The following KANK1 variants were observed in gnomAD, a reference collection of about 807,000 sequenced individuals.
KANK1 encodes the protein KN motif and ankyrin repeat domain-containing protein 1.
A neutral mutation model predicts 106.2 loss-of-function variants in KANK1; 109 were observed. The observed-to-expected ratio is 1.03, with a 90% CI of 0.88 to 1.20. The LOEUF (loss-of-function observed/expected upper bound fraction) is 1.20, where lower values mean the gene tolerates loss of function less well. Among genes scored for constraint, KANK1 ranks in the 50% most tolerant of loss-of-function variants. The pLI, the probability that KANK1 is intolerant of heterozygous loss-of-function variation, is 0.00. For synonymous variants in KANK1, 873 were observed against 652.2 expected (o/e 1.34, Z -5.16); for missense variants, 2,399 against 1,710.7 (o/e 1.40, Z -7.10).
chr9:701,688 G>A (rs112397656), intron 2 of KANK1, among the ~76,000 whole-genome samples: 20 of 152,200 alleles, frequency 1.3e-4, no homozygotes, highest in Admixed American at 1.2e-3. Flanking sequence ...TCCATGCCTC[G>A]TTTGGTTGGT....
chr9:628,263 C>G (rs1035260354), intron 1 of KANK1, among the ~76,000 whole-genome samples: 1 of 152,154 alleles, frequency 6.6e-6, no homozygotes, highest in African/African-American at 2.4e-5. Context: ...CTCTGCCTGT[C>G]TCCAGTGTGC....
chr9:574,670 C>T (rs1820081314), intron 1 of KANK1, among the ~76,000 whole-genome samples: 1 of 151,850 alleles, frequency 6.6e-6, no homozygotes, highest in Admixed American at 6.6e-5. Context: ...GCCCGGCCAA[C>T]ACAATGAAAC....
At chr9:578,566 A>G (rs1821212962) in intron 1 of KANK1, among the ~76,000 whole-genome samples, 1 of 152,106 alleles carries the variant, frequency 6.6e-6, no homozygotes, top group South Asian at 2.1e-4. Flanking sequence ...GAACATCATC[A>G]TAGTTTAGGA....
chr9:697,978 C>T (rs1032370173), intron 2 of KANK1, among the ~76,000 whole-genome samples: 10 of 152,126 alleles, frequency 6.6e-5, no homozygotes, highest in East Asian at 3.9e-4. Flanking sequence ...CAGTAACACT[C>T]GGGACCCTAG....
In KANK1 at chr9:678,719, C is replaced by T. The variant is rs896996980; in HGVS notation, c.37+1710C>T. Among the ~76,000 whole-genome samples the T allele has an allele frequency of 2.0e-5, 3 of 152,188 alleles. No homozygotes were observed. The South Asian group carries it at 6.2e-4, about 32-fold the overall frequency. Reference sequence around the variant, plus strand: ...CCAGCCTGAGTGACAGAGTGAGACTCCATATCAAAAAATAAAATAAATCAG... The same window carrying T: ...CCAGCCTGAGTGACAGAGTGAGACTTCATATCAAAAAATAAAATAAATCAG... On this transcript the variant is annotated intron_variant, in intron 2 of 11. Coordinates refer to ENST00000382297, the MANE Select transcript of KANK1 (RefSeq NM_015158.5).
rs372648963 is a variant in KANK1 at position 647,386 on chromosome 9, G to T, written c.-83-29504G>T. Reference sequence around the variant, plus strand: ...TGTGTTGTAGTTTTATTATATTTATGACATATGAGAAATAAATAATAGGAA... The same window carrying T: ...TGTGTTGTAGTTTTATTATATTTATTACATATGAGAAATAAATAATAGGAA... On this transcript the variant is annotated intron_variant, in intron 1 of 11. Transcript: ENST00000382297. Among the ~76,000 whole-genome samples, 93 of 150,740 alleles carry T rather than the reference G, an allele frequency of 6.2e-4. 4 individuals carry two copies. The South Asian group carries it at 0.019, about 31-fold the overall frequency.
intron 2 of KANK1, among the ~76,000 whole-genome samples, chr9:699,336 C>T (rs1001823787): frequency 6.6e-6 from 1 of 152,204 alleles, no homozygotes; most frequent in African/African-American, 2.4e-5. Context: ...TGGCCTATTG[C>T]AGGCACTTAA....
chr9:569,885 A>G (rs1818737312), intron 1 of KANK1, among the ~76,000 whole-genome samples: 1 of 150,828 alleles, frequency 6.6e-6, no homozygotes, highest in African/African-American at 2.4e-5. Context: ...TAGGGCTTAC[A>G]TTTTTCTCTG....
chr9:718,324 T>TTTA (rs869182633), intron 3 of KANK1, among the ~76,000 whole-genome samples: 1 of 132,128 alleles, frequency 7.6e-6, no homozygotes, highest in Non-Finnish European at 1.5e-5. Flanking sequence ...TTTTTTTTTT[T>TTTA]ACTCTTAAGA....
At chr9:625,656 T>G (rs1301341674) in intron 1 of KANK1, among the ~76,000 whole-genome samples, 1 of 152,176 alleles carries the variant, frequency 6.6e-6, no homozygotes, top group African/African-American at 2.4e-5. Flanking sequence ...TTTCTCTGCT[T>G]TGTTAACTGA....
chr9:532,870 C>G (rs1431430345), intron 1 of KANK1, among the ~76,000 whole-genome samples: 2 of 152,068 alleles, frequency 1.3e-5, no homozygotes, highest in African/African-American at 2.4e-5. Flanking sequence ...GGCAAGAAAG[C>G]AAAGCTGGCC....
intron 1 of KANK1, among the ~76,000 whole-genome samples, chr9:621,310 C>G (rs921342259): frequency 3.9e-5 from 6 of 152,052 alleles, no homozygotes; most frequent in African/African-American, 1.2e-4. Flanking sequence ...TTAAATTTGG[C>G]CTTATGAAGC....
At position 712,782 on chromosome 9, in the gene KANK1, C is replaced by T. The variant is rs1347567189; in HGVS notation, c.2016C>T (p.Asp672=). ...CAGTGCCTCGTACTGCAGACCAGGA[C>T]ACTAGCACAGATTTGGAACAGGTGC... is the stretch of plus-strand genomic sequence containing the variant. The part of the protein sequence containing the change: ...VMAVPRTADQ[D]TSTDLEQVHQ... Residue 672 remains aspartate (D), a synonymous_variant, in exon 3 of 12, where the codon GAC becomes GAT. Transcript: ENST00000382297. 3.2e-5 allele frequency: 51 copies of T among 1,613,890 alleles called. No homozygotes were observed. The highest frequency in any genetic ancestry group is 4.2e-5 in the Non-Finnish European group (50 of 1,179,902).
chr9:585,750 G>A (rs1823299274), intron 1 of KANK1, among the ~76,000 whole-genome samples: 1 of 152,138 alleles, frequency 6.6e-6, no homozygotes. Context: ...CCTTGAAAGA[G>A]GGGGTAAGAA....
chr9:482,355 T>C (rs2058219944), intron 3 of KANK1, among the ~76,000 whole-genome samples: 1 of 152,226 alleles, frequency 6.6e-6, no homozygotes, highest in African/African-American at 2.4e-5. Context: ...GTCTTTATTA[T>C]GTGGTGTACA....
intron 1 of KANK1, among the ~76,000 whole-genome samples, chr9:593,069 A>G (rs1409837233): frequency 6.6e-6 from 1 of 151,796 alleles, no homozygotes; most frequent in Non-Finnish European, 1.5e-5. Flanking sequence ...CTAGTAGACA[A>G]TCTTGTTTTA....
intron 1 of KANK1, among the ~76,000 whole-genome samples, chr9:530,321 T>C (rs1212326553): frequency 6.6e-6 from 1 of 152,226 alleles, no homozygotes; most frequent in East Asian, 1.9e-4. Flanking sequence ...ATTTTTAAAA[T>C]GTCCAGGGTT....
At position 543,777 on chromosome 9, in the gene KANK1, T is replaced by C. The variant is rs56693465; in HGVS notation, c.-84+39023T>C. Among the ~76,000 whole-genome samples the C allele has an allele frequency of 7.2e-3, 1,101 of 152,212 alleles. 19 individuals carry two copies. The highest frequency in any genetic ancestry group is 0.024 in the African/African-American group (1,003 of 41,538). On this transcript the variant is annotated intron_variant, in intron 1 of 11. Coordinates refer to ENST00000382297, the MANE Select transcript of KANK1 (RefSeq NM_015158.5). ...CATAACTCTAATTGATTTAAAAAAG[T>C]AGTTGATTGTTGCAAGACTTGACAT... is the stretch of plus-strand genomic sequence containing the variant.
At chr9:570,153 G>T (rs1441326000) in intron 1 of KANK1, among the ~76,000 whole-genome samples, 1 of 152,108 alleles carries the variant, frequency 6.6e-6, no homozygotes, top group Non-Finnish European at 1.5e-5. Context: ...CTCTCTCATT[G>T]CTACTTTGGA....
Sources: allele counts gnomAD v4.1 joint callset (sites outside exome capture counted in the v4.1 genomes callset), GRCh38; gene constraint gnomAD v4.1.1; transcripts MANE v1.5; gene names NCBI Gene and HGNC (gene_info 2026-07-23, HGNC 2026-07-21).